SLC67A2: variants seen among roughly 807,000 people sequenced by gnomAD.
SLC67A2 encodes the protein solute carrier family 67 member 2.
At chr2:102,726,612 A>G in the SLC67A2 span, among the ~76,000 whole-genome samples, 2 of 152,026 alleles carry the variant, frequency 1.3e-5, no homozygotes, top group Non-Finnish European at 2.9e-5. Context: ...ACACACACAC[A>G]TGCTCGCGCA....
At chr2:102,734,349 C>G in the SLC67A2 span, among the ~76,000 whole-genome samples, 1 of 152,162 alleles carries the variant, frequency 6.6e-6, no homozygotes. Context: ...TCATCACCAT[C>G]TAAGCATCCT....
chr2:102,726,984 G>GT, the SLC67A2 span: 1 of 1,610,994 alleles, frequency 6.2e-7, no homozygotes, highest in South Asian at 1.1e-5. Flanking sequence ...CCTGAGGAAA[G>GT]TAAGAAAAAG....
chr2:102,728,082 G>C, the SLC67A2 span, among the ~76,000 whole-genome samples: 2 of 151,994 alleles, frequency 1.3e-5, no homozygotes, highest in African/African-American at 4.8e-5. Context: ...GGTGGCCTAG[G>C]AGGAAGCCTG....
At chr2:102,718,714 A>T in the SLC67A2 span, 1 of 1,613,940 alleles carries the variant, frequency 6.2e-7, no homozygotes, top group Non-Finnish European at 8.5e-7. Context: ...AGGAGAGGAC[A>T]ACTGCACCCA....
the SLC67A2 span, among the ~76,000 whole-genome samples, chr2:102,728,906 G>A: frequency 3.9e-5 from 6 of 152,250 alleles, no homozygotes; most frequent in South Asian, 1.0e-3. Context: ...CTTTGAGGCT[G>A]GTTATTATAA....
At chr2:102,727,862 T>A in the SLC67A2 span, among the ~76,000 whole-genome samples, 2 of 152,230 alleles carry the variant, frequency 1.3e-5, no homozygotes, top group Non-Finnish European at 1.5e-5. Context: ...ACAGATTTGT[T>A]AAGCAGCATC....
the SLC67A2 span, among the ~76,000 whole-genome samples, chr2:102,734,270 A>G: frequency 6.6e-6 from 1 of 152,212 alleles, no homozygotes; most frequent in Non-Finnish European, 1.5e-5. Context: ...TCACCTGAAT[A>G]AAGCTGATGG....
chr2:102,725,457 C>T, the SLC67A2 span, among the ~76,000 whole-genome samples: 5 of 152,334 alleles, frequency 3.3e-5, no homozygotes, highest in Admixed American at 2.0e-4. Flanking sequence ...AACAACTCTA[C>T]GTTCTTATTC....
At chr2:102,718,705 G>C in the SLC67A2 span, 1 of 1,613,972 alleles carries the variant, frequency 6.2e-7, no homozygotes, top group Non-Finnish European at 8.5e-7. Context: ...GGAGAGTGGA[G>C]GAGAGGACAA....
At chr2:102,726,768 A>T in the SLC67A2 span, 1 of 1,520,002 alleles carries the variant, frequency 6.6e-7, no homozygotes, top group Non-Finnish European at 8.8e-7. Flanking sequence ...GTGGCCCAGG[A>T]GGAAGCGTGC....
chr2:102,718,256 G>C, the SLC67A2 span: 65 of 738,912 alleles, frequency 8.8e-5, no homozygotes, highest in Non-Finnish European at 7.5e-5. Flanking sequence ...CATCCTGCAG[G>C]CATGGCTGCA....
chr2:102,732,267 G>C, the SLC67A2 span: 5 of 1,388,422 alleles, frequency 3.6e-6, no homozygotes, highest in African/African-American at 2.9e-5. Context: ...TCAGGTACTT[G>C]GTTCAGAGGA....
chr2:102,732,085 C>G, the SLC67A2 span: 1 of 630,442 alleles, frequency 1.6e-6, no homozygotes, highest in Non-Finnish European at 3.0e-6. Context: ...CCACTAGTGG[C>G]ATGGGACTTG....
the SLC67A2 span, among the ~76,000 whole-genome samples, chr2:102,720,683 A>C: frequency 6.6e-6 from 1 of 152,172 alleles, no homozygotes; most frequent in Non-Finnish European, 1.5e-5. Flanking sequence ...CAATTTGCCC[A>C]AGGGTCACAC....
At chr2:102,734,586 T>C in the SLC67A2 span, among the ~76,000 whole-genome samples, 3 of 152,184 alleles carry the variant, frequency 2.0e-5, no homozygotes, top group Non-Finnish European at 4.4e-5. Context: ...AGATGTTACC[T>C]AACAATCATC....
chr2:102,723,263 A>T, the SLC67A2 span, among the ~76,000 whole-genome samples: 1 of 152,242 alleles, frequency 6.6e-6, no homozygotes, highest in African/African-American at 2.4e-5. Context: ...TGAGGTCAGG[A>T]GTTCGAGACC....
chr2:102,728,626 G>C, the SLC67A2 span, among the ~76,000 whole-genome samples: 1 of 151,914 alleles, frequency 6.6e-6, no homozygotes, highest in African/African-American at 2.4e-5. Context: ...ATACTCTTTT[G>C]ATCTGGGGAA....
the SLC67A2 span, among the ~76,000 whole-genome samples, chr2:102,735,229 G>A: frequency 6.6e-6 from 1 of 152,214 alleles, no homozygotes; most frequent in African/African-American, 2.4e-5. Context: ...GAGCTGGAGG[G>A]TGGATCCTGC....
chr2:102,733,168 G>C, the SLC67A2 span, among the ~76,000 whole-genome samples: 1 of 152,072 alleles, frequency 6.6e-6, no homozygotes, highest in African/African-American at 2.4e-5. Flanking sequence ...CTTTTTGCTA[G>C]GTATTCTGAG....
Sources: gnomAD v4.1 joint callset for allele counts (sites outside exome capture counted in the v4.1 genomes callset) on GRCh38, gnomAD v4.1.1 for gene constraint, MANE v1.5 for transcripts, NCBI Gene and HGNC (gene_info 2026-07-23, HGNC 2026-07-21) for gene names.